TTN: variants seen among roughly 807,000 people sequenced by gnomAD.
TTN encodes the protein connectin.
In TTN, 1,525 loss-of-function variants were observed where a neutral mutation model predicts 3,223.0. The ratio of observed to expected loss-of-function variants is 0.47; its 90% CI spans 0.45 to 0.49. The LOEUF (loss-of-function observed/expected upper bound fraction) is 0.49. Ranked by LOEUF, TTN falls within the 20% of genes least tolerant of loss-of-function variation. TTN has a pLI of 0.00. For synonymous variants in TTN, 14,094 were observed against 15,161.0 expected (o/e 0.93, Z 5.17); for missense variants, 40,786 against 43,424.0 (o/e 0.94, Z 5.40).
intron 69 of TTN, 153 bp from the exon 70 acceptor site, chr2:178,726,199 A>C (rs2079307980): frequency 1.1e-6 from 1 of 880,848 alleles, no homozygotes. Flanking sequence ...CAGCCTCAGA[A>C]GCCATTTGCC....
intron 106 of TTN, among the ~76,000 whole-genome samples, chr2:178,703,505 C>A (rs1476042881): frequency 4.6e-5 from 7 of 152,060 alleles, no homozygotes; most frequent in Admixed American, 1.3e-4. Flanking sequence ...TACGAATGGG[C>A]ACCAATAGCT....
rs2093448151 is a variant in TTN at position 178,790,802 on chromosome 2, A to G, written c.1706T>C (p.Val569Ala). ...TAGTTTTGTGGACTTTGCAGTGGCA[A>G]CTACCACCATGGATGCAGCAGTTAT... ...TEITAASMVVVATAKSTKLET... is the reference protein window; with the variant it reads ...TEITAASMVVAATAKSTKLET... Residue 569 changes from valine to alanine, a missense_variant, in exon 11 of 363, where the codon GTT becomes GCT. By Grantham distance (64) the Val-to-Ala change is moderately conservative. Coordinates refer to ENST00000589042, the MANE Select transcript of TTN (RefSeq NM_001267550.2). 1 of 1,614,030 alleles carries G rather than the reference A, an allele frequency of 6.2e-7. No individual in the cohort carries two copies. Among genetic ancestry groups the G allele is most frequent in the African/African-American group, 1.3e-5 (1 of 74,940 alleles).
Position 178,544,277 on chromosome 2 carries a change from T to G in TTN, c.95952A>C (p.Arg31984Ser). ...DLKMGQKYSF[R>S]VAAVNVKGMS... Reference sequence around the variant, plus strand: ...TACCCTTCACGTTCACGGCAGCAACTCTGAAGGAATATTTCTGGCCCATTT... The same window carrying G: ...TACCCTTCACGTTCACGGCAGCAACGCTGAAGGAATATTTCTGGCCCATTT... Residue 31984 changes from arginine (R) to serine (S), a missense_variant, in exon 345 of 363, where the codon AGA becomes AGC. Arg to Ser is a moderately radical substitution (Grantham distance 110). Transcript: ENST00000589042. 6.2e-7 allele frequency: 1 copy of G among 1,613,812 alleles called. No homozygotes were observed. The highest frequency in any genetic ancestry group is 1.3e-5 in the African/African-American group (1 of 75,048).
At chr2:178,725,288 A>T (rs566056854) in intron 71 of TTN, 80 bp downstream of exon 71, 1 of 1,372,798 alleles carries the variant, frequency 7.3e-7, no homozygotes, top group South Asian at 1.9e-5. Flanking sequence ...GAAGAAACTC[A>T]GAAAAAGAAT....
At position 178,603,927 on chromosome 2, in the gene TTN, T is replaced by A. The variant is rs766737617; in HGVS notation, c.54760A>T (p.Ile18254Phe). 22 of 1,611,968 alleles carry A rather than the reference T, an allele frequency of 1.4e-5. No homozygotes were observed. The highest frequency in any genetic ancestry group is 1.8e-5 in the Non-Finnish European group (21 of 1,178,706). Reference protein sequence around the residue: ...FRAMAINAAGIGPPSEPSDPE... With the variant: ...FRAMAINAAGFGPPSEPSDPE... Reference sequence around the variant, plus strand: ...TCTGATGGTTCACTGGGAGGACCAATTCCTGCAGCATTTATTGCCATGGCT... The same window carrying A: ...TCTGATGGTTCACTGGGAGGACCAAATCCTGCAGCATTTATTGCCATGGCT... Residue 18254 changes from isoleucine to phenylalanine, a missense_variant, in exon 282 of 363, where the codon ATT (isoleucine) becomes TTT (phenylalanine). Coordinates refer to ENST00000589042, the MANE Select transcript of TTN (RefSeq NM_001267550.2).
chr2:178,673,480 G>T (rs773266737), intron 152 of TTN, among the ~76,000 whole-genome samples, 153 bp downstream of exon 152: 25 of 151,674 alleles, frequency 1.6e-4, no homozygotes, highest in Non-Finnish European at 3.2e-4. Context: ...TCCTAGAAAA[G>T]ATTAAAGAAA....
Position 178,577,274 on chromosome 2 carries a change from T to G in TTN, c.69061A>C (p.Thr23021Pro). Reference protein sequence around the residue: ...TRKDAGEYTITATNPFGTKVE... With the variant: ...TRKDAGEYTIPATNPFGTKVE... Reference sequence around the variant, plus strand: ...TTCGTGCCAAAAGGATTGGTAGCAGTGATGGTATATTCACCCGCATCTTTT... The same window carrying G: ...TTCGTGCCAAAAGGATTGGTAGCAGGGATGGTATATTCACCCGCATCTTTT... Residue 23021 changes from threonine to proline, a missense_variant, in exon 324 of 363, where the codon ACT becomes CCT. Thr to Pro is a conservative substitution (Grantham distance 38). Transcript: ENST00000589042. 1 of 1,612,906 alleles carries G rather than the reference T, an allele frequency of 6.2e-7. No homozygotes were observed. Among genetic ancestry groups the G allele is most frequent in the Non-Finnish European group, 8.5e-7 (1 of 1,179,484 alleles).
chr2:178,629,357 C>T lies in TTN; in HGVS notation c.44368G>A (p.Glu14790Lys), dbSNP rs762712953. The T allele has an allele frequency of 8.7e-6, 14 of 1,612,774 alleles. No individual in the cohort carries two copies. The highest frequency in any genetic ancestry group is 3.3e-5 in the Admixed American group (2 of 59,956). Residue 14790 changes from glutamate (E) to lysine (K), a missense_variant, in exon 240 of 363, where the codon GAA (glutamate) becomes AAA (lysine). Coordinates refer to ENST00000589042, the MANE Select transcript of TTN (RefSeq NM_001267550.2). The stretch of plus-strand genomic sequence containing the variant: ...AGATACCATTCCACTGGGATATCTT[C>T]GTAGGAGAGCTCGCAGTCGAAGGTG... ...TATFDCELSY[E>K]DIPVEWYLKG...
intron 110 of TTN, 79 bp downstream of exon 110, chr2:178,701,449 C>A (rs2154289221): frequency 6.9e-7 from 1 of 1,447,042 alleles, no homozygotes; most frequent in East Asian, 2.3e-5. Flanking sequence ...AGTTTGGTCG[C>A]TGGTATAAAA....
intron 308 of TTN, among the ~76,000 whole-genome samples, chr2:178,585,688 T>G (rs543080400): frequency 6.6e-6 from 1 of 152,116 alleles, no homozygotes; most frequent in South Asian, 2.1e-4. Context: ...TGAGAACATG[T>G]GGTGTTTGGT....
Position 178,678,161 on chromosome 2 carries a change from G to T in TTN, c.33958C>A (p.Pro11320Thr). The stretch of plus-strand genomic sequence containing the variant: ...GGTGCTTCCACTTTTTTCGGAACAG[G>T]TGTTGGTTTCTTTTCTTCTGGGATG... ...KLIPEEKKPT[P>T]VPKKVEAPPP... Residue 11320 changes from proline to threonine, a missense_variant, in exon 145 of 363, where the codon CCT becomes ACT. Transcript: ENST00000589042. 1 of 1,611,326 alleles carries T rather than the reference G, an allele frequency of 6.2e-7. No individual in the cohort carries two copies.
intron 111 of TTN, among the ~76,000 whole-genome samples, chr2:178,699,383 C>CTTTTTTTTTTTTTTTTTTTTT (rs59989386): frequency 2.2e-5 from 1 of 44,858 alleles, no homozygotes; most frequent in Non-Finnish European, 4.4e-5. Flanking sequence ...AAATAACACT[C>CTTTTTTTTTTTTTTTTTTTTT]TTTTTTTTTT....
Position 178,533,488 on chromosome 2 carries a change from T to A in TTN, c.103127A>T (p.Glu34376Val). The A allele has an allele frequency of 6.2e-7, 1 of 1,613,340 alleles. No individual in the cohort carries two copies. Among genetic ancestry groups the A allele is most frequent in the Non-Finnish European group, 8.5e-7 (1 of 1,179,346 alleles). The change falls in exon 358 of 363, where the codon GAA (glutamate) becomes GTA (valine). Residue 34376 changes from glutamate (E) to valine (V), a missense_variant. Transcript: ENST00000589042. Reference sequence around the variant, plus strand: ...GATCTCAAAGCAGACACTTTGGCCTTCTTGGCATTCTGCATTTGCCAGTAA... The same window carrying A: ...GATCTCAAAGCAGACACTTTGGCCTACTTGGCATTCTGCATTTGCCAGTAA... ...KRLLANAECQEGQSVCFEIRV... is the reference protein window; with the variant it reads ...KRLLANAECQVGQSVCFEIRV...
rs759878678 is a variant in TTN, at chr2:178,614,836, A to G, written c.48760+11T>C. Reference sequence around the variant, plus strand: ...GGCCTATTTGATAAGACAAAAATCAAAAATAGATACCTTGTGTGTCCACAG... The same window carrying G: ...GGCCTATTTGATAAGACAAAAATCAGAAATAGATACCTTGTGTGTCCACAG... On this transcript the variant is annotated intron_variant, in intron 260 of 362. Transcript: ENST00000589042. The G allele has an allele frequency of 3.2e-6, 5 of 1,574,332 alleles. No homozygotes were observed. The highest frequency in any genetic ancestry group is 4.3e-6 in the Non-Finnish European group (5 of 1,158,812).
At position 178,589,078 on chromosome 2, in the gene TTN, C is replaced by G; in HGVS notation, c.62647G>C (p.Val20883Leu). 1 of 1,609,758 alleles carries G rather than the reference C, an allele frequency of 6.2e-7. No homozygotes were observed. The highest frequency in any genetic ancestry group is 8.5e-7 in the Non-Finnish European group (1 of 1,179,576). The change falls in exon 304 of 363, where the codon GTT becomes CTT. Residue 20883 changes from valine (V) to leucine (L), a missense_variant. Val to Leu is a conservative substitution (Grantham distance 32, BLOSUM62 1). Coordinates refer to ENST00000589042, the MANE Select transcript of TTN (RefSeq NM_001267550.2). The part of the protein sequence containing the change: ...IVDVSSDRCT[V>L]CWDPPEDDGG... ...TCATCTTCTGGTGGATCCCAGCAAA[C>G]AGTACACCTATCACTGGACACATCA...
rs1325439536 is a variant in TTN, at chr2:178,634,551, A to G, written c.42230T>C (p.Leu14077Pro). ...ERRQARFECVLTREANVIWSK... is the reference protein window; with the variant it reads ...ERRQARFECVPTREANVIWSK... ...CCATATAACATTTGCCTCTCGGGTG[A>G]GGACACATTCGAATCGAGCCTGTCG... Residue 14077 changes from leucine (L) to proline (P), a missense_variant, in exon 230 of 363, where the codon CTC becomes CCC. By Grantham distance (98) the Leu-to-Pro change is moderately conservative (BLOSUM62 -3). Coordinates refer to ENST00000589042, the MANE Select transcript of TTN (RefSeq NM_001267550.2). This position sits in a 1 kb window ranked among gnomAD's most constrained non-coding sequence, Gnocchi z 4.6. The G allele has an allele frequency of 6.2e-7, 1 of 1,613,388 alleles. No homozygotes were observed. Among genetic ancestry groups the G allele is most frequent in the Non-Finnish European group, 8.5e-7 (1 of 1,179,528 alleles).
At position 178,550,100 on chromosome 2, in the gene TTN, C is replaced by T. The variant is rs1296437798; in HGVS notation, c.91738G>A (p.Gly30580Arg). The T allele has an allele frequency of 6.2e-7, 1 of 1,613,780 alleles. No homozygotes were observed. Residue 30580 changes from glycine (G) to arginine (R), a missense_variant, in exon 337 of 363, where the codon GGA becomes AGA. Transcript: ENST00000589042. The stretch of plus-strand genomic sequence containing the variant: ...TCTCTAACAAATAGGCTGGTGGATC[C>T]AAGTACGTCGGTTATTTCCATATTC... ...RMNMEITDVL[G>R]STSLFVRDAT...
chr2:178,577,937 T>G (rs2046795829), intron 322 of TTN, 39 bp from the exon 323 acceptor site: 2 of 1,590,720 alleles, frequency 1.3e-6, no homozygotes, highest in South Asian at 2.3e-5. Flanking sequence ...CAAATACCAG[T>G]TTTCTTCATG....
Position 178,531,210 on chromosome 2 carries a change from T to A in TTN, c.105405A>T (p.Pro35135=). 1 of 1,613,972 alleles carries A rather than the reference T, an allele frequency of 6.2e-7. No homozygotes were observed. The highest frequency in any genetic ancestry group is 2.2e-5 in the East Asian group (1 of 44,884). The change falls in exon 358 of 363, where the codon CCA becomes CCT. Residue 35135 remains proline (P), a synonymous_variant. Transcript: ENST00000589042. The part of the protein sequence containing the change: ...TTLAARILTK[P]RSMTVYEGES... ...CGCCCTCGTAGACGGTCATGGACCG[T>A]GGCTTTGTTAGAATTCTTGCTGCCA... is the stretch of plus-strand genomic sequence containing the variant.
Sources: gnomAD v4.1 joint callset for allele counts (sites outside exome capture counted in the v4.1 genomes callset) on GRCh38, gnomAD v4.1.1 for gene constraint, Gnocchi (gnomAD v3.1) non-coding constraint, MANE v1.5 for transcripts, NCBI Gene and HGNC (gene_info 2026-07-23, HGNC 2026-07-21) for gene names.